Variants in CRYBG1 observed in about 807,000 individuals in gnomAD.
CRYBG1 encodes the protein beta/gamma crystallin domain-containing protein 1.
CRYBG1 carries 139 observed loss-of-function variants against 189.2 expected under a neutral mutation model. The ratio of observed to expected loss-of-function variants is 0.73; its 90% CI spans 0.64 to 0.85. The LOEUF (loss-of-function observed/expected upper bound fraction) is 0.85, where lower values mean the gene tolerates loss of function less well. CRYBG1 is among the 40% of genes least tolerant of loss of function. The pLI, the probability that CRYBG1 is intolerant of heterozygous loss-of-function variation, is 0.00. For synonymous variants in CRYBG1, 1,023 were observed against 1,017.1 expected (o/e 1.01, Z -0.11); for missense variants, 2,611 against 2,675.8 (o/e 0.98, Z 0.53).
chr6:106,549,023 T>C (rs1048363719), intron 13 of CRYBG1, among the ~76,000 whole-genome samples: 2 of 151,790 alleles, frequency 1.3e-5, no homozygotes, highest in Non-Finnish European at 2.9e-5. Flanking sequence ...GATCGTTTGC[T>C]GAGAATGATG....
chr6:106,555,698 A>G (rs1244420315), intron 16 of CRYBG1, 70 bp from the exon 17 acceptor site: 1 of 1,554,800 alleles, frequency 6.4e-7, no homozygotes, highest in African/African-American at 1.4e-5. Flanking sequence ...CACCTCTAAA[A>G]ATCAGACTTC....
At chr6:106,524,292 G>T (rs1263468363) in intron 4 of CRYBG1, among the ~76,000 whole-genome samples, 1 of 152,160 alleles carries the variant, frequency 6.6e-6, no homozygotes, top group African/African-American at 2.4e-5. Context: ...GCCGGGCACG[G>T]TGGCTCTCAC....
At chr6:106,449,223 C>A (rs987469735) in intron 1 of CRYBG1, among the ~76,000 whole-genome samples, 7 of 152,126 alleles carry the variant, frequency 4.6e-5, no homozygotes, top group Admixed American at 3.9e-4. Context: ...CCGTCTCCGA[C>A]AATACAAAGC....
intron 2 of CRYBG1, among the ~76,000 whole-genome samples, chr6:106,463,204 T>C (rs1241618568): frequency 6.7e-6 from 1 of 149,228 alleles, no homozygotes; most frequent in Non-Finnish European, 1.5e-5. Flanking sequence ...TCTTCTGTCC[T>C]GTGCTATTCG....
chr6:106,412,577 T>C (rs1481891877), intron 1 of CRYBG1, among the ~76,000 whole-genome samples: 1 of 152,208 alleles, frequency 6.6e-6, no homozygotes, highest in Non-Finnish European at 1.5e-5. Context: ...TGAAGGGTGG[T>C]GTGCTTGTCA....
At chr6:106,457,756 A>C (rs1426228444) in intron 2 of CRYBG1, among the ~76,000 whole-genome samples, 1 of 152,202 alleles carries the variant, frequency 6.6e-6, no homozygotes, top group Non-Finnish European at 1.5e-5. Context: ...ACATGGGTAG[A>C]TCTAGTACCT....
At chr6:106,515,964 G>A (rs936480505) in intron 3 of CRYBG1, among the ~76,000 whole-genome samples, 1 of 151,256 alleles carries the variant, frequency 6.6e-6, no homozygotes, top group African/African-American at 2.4e-5. Context: ...GCTAATTTTT[G>A]TATTTTTTTA....
In CRYBG1 at chr6:106,520,239, G is replaced by T. The variant is rs1163477884; in HGVS notation, c.3031G>T (p.Gly1011Cys). Reference sequence around the variant, plus strand: ...TGCTCCCCCACAAGAGGAAGTACTGGGCAATGAACACTCTCATTGCACAGC... The same window carrying T: ...TGCTCCCCCACAAGAGGAAGTACTGTGCAATGAACACTCTCATTGCACAGC... ...SCAPPQEEVL[G>C]NEHSHCTAEL... The change falls in exon 4 of 22, where the codon GGC (glycine) becomes TGC (cysteine). Residue 1011 changes from glycine to cysteine, a missense_variant. This residue lies in a region of CRYBG1 where 1,622 missense variants were observed against 1,735.0 expected (regional missense o/e 0.93). Coordinates refer to ENST00000633556, the MANE Select transcript of CRYBG1 (RefSeq NM_001371242.2). The T allele has an allele frequency of 6.2e-7, 1 of 1,614,068 alleles. No homozygotes were observed. The highest frequency in any genetic ancestry group is 2.2e-5 in the East Asian group (1 of 44,870).
Position 106,512,818 on chromosome 6 carries a change from C to A in CRYBG1, c.1701C>A (p.Ile567=). 6.3e-7 allele frequency: 1 copy of A among 1,575,210 alleles called. No homozygotes were observed. Among genetic ancestry groups the A allele is most frequent in the Non-Finnish European group, 8.6e-7 (1 of 1,160,222 alleles). The change falls in exon 3 of 22, where the codon ATC becomes ATA. Residue 567 remains isoleucine (I), a synonymous_variant. Coordinates refer to ENST00000633556, the MANE Select transcript of CRYBG1 (RefSeq NM_001371242.2). ...AESGEEAARA[I]PRELPVKSSS... ...GCGGGGAGGAGGCGGCGCGGGCCAT[C>A]CCCCGCGAGCTCCCGGTCAAGAGCA...
intron 1 of CRYBG1, among the ~76,000 whole-genome samples, chr6:106,411,137 T>A (rs765562608): frequency 5.9e-5 from 9 of 152,182 alleles, no homozygotes; most frequent in Non-Finnish European, 1.3e-4. Context: ...ATAAGTAATG[T>A]TTGTACATGA....
intron 19 of CRYBG1, 73 bp from the exon 20 acceptor site, chr6:106,561,269 C>T: frequency 1.3e-6 from 2 of 1,493,786 alleles, no homozygotes; most frequent in Non-Finnish European, 1.8e-6. Context: ...TGGATTCTTC[C>T]TGATATTCAT....
intron 1 of CRYBG1, among the ~76,000 whole-genome samples, chr6:106,368,538 T>C (rs892976492): frequency 6.6e-6 from 1 of 152,164 alleles, no homozygotes; most frequent in African/African-American, 2.4e-5. Context: ...AGCGAATTGC[T>C]TATGAGTCTC....
At position 106,553,585 on chromosome 6, in the gene CRYBG1, C is replaced by CT; in HGVS notation, c.5585+19dup. ...GGAGGCAGGTAAGTGAAACAAAGGC[C>CT]TGGCAGAGCTGAATCACTGGAGTAA... is the stretch of plus-strand genomic sequence containing the variant. On this transcript the variant is annotated intron_variant, in intron 16 of 21. Coordinates refer to ENST00000633556, the MANE Select transcript of CRYBG1 (RefSeq NM_001371242.2). 1 of 1,456,854 alleles carries CT rather than the reference C, an allele frequency of 6.9e-7. No individual in the cohort carries two copies. Among genetic ancestry groups the CT allele is most frequent in the Non-Finnish European group, 9.6e-7 (1 of 1,037,002 alleles). 90.2% of individuals were successfully genotyped at this position (1,456,854 alleles called of 1,614,324 possible). A position where few individuals can be genotyped will look rare whatever the true frequency, so the allele number is the denominator to read the frequency against.
rs1304500638 is a variant in CRYBG1 at position 106,525,349 on chromosome 6, C to T, written c.4375C>T (p.Leu1459Phe). ...SDIQDCSSWS[L>F]SPVILIKVVR... ...CATTCAGGATTGCAGTTCTTGGAGC[C>T]TCTCTCCAGTGATACTCATAAAAGT... Residue 1459 changes from leucine to phenylalanine, a missense_variant, in exon 6 of 22, where the codon CTC becomes TTC. Around this residue, in one of 3 missense-constraint regions of CRYBG1, gnomAD observed 1,622 missense variants for 1,735.0 expected, o/e 0.93. Transcript: ENST00000633556. 3.7e-6 allele frequency: 6 copies of T among 1,613,998 alleles called. No individual in the cohort carries two copies. Among genetic ancestry groups the T allele is most frequent in the African/African-American group, 1.3e-5 (1 of 74,910 alleles).
chr6:106,562,756 G>C (rs1489352969), intron 20 of CRYBG1, among the ~76,000 whole-genome samples: 2 of 152,180 alleles, frequency 1.3e-5, no homozygotes, highest in Admixed American at 1.3e-4. Flanking sequence ...CAAAGTGCTG[G>C]GATTACAGGC....
At chr6:106,392,436 G>A (rs1770524595) in intron 1 of CRYBG1, among the ~76,000 whole-genome samples, 1 of 152,148 alleles carries the variant, frequency 6.6e-6, no homozygotes, top group South Asian at 2.1e-4. Flanking sequence ...TAAAGAATCA[G>A]AGTAAAGAGG....
intron 1 of CRYBG1, among the ~76,000 whole-genome samples, chr6:106,402,617 C>G (rs1770742782): frequency 6.7e-6 from 1 of 148,900 alleles, no homozygotes; most frequent in Non-Finnish European, 1.5e-5. Context: ...GAAACTGGAT[C>G]CCTTCCTTAC....
Position 106,561,440 on chromosome 6 carries a change from G to A in CRYBG1, c.6078G>A (p.Met2026Ile). The A allele has an allele frequency of 6.2e-7, 1 of 1,614,184 alleles. No individual in the cohort carries two copies. The highest frequency in any genetic ancestry group is 2.2e-5 in the East Asian group (1 of 44,882). The change falls in exon 20 of 22, where the codon ATG (methionine) becomes ATA (isoleucine). Residue 2026 changes from methionine (M) to isoleucine (I), a missense_variant. Physicochemically the swap from Met to Ile is conservative, Grantham distance 10 (BLOSUM62 1). Around this residue, in one of 3 missense-constraint regions of CRYBG1, gnomAD observed 1,622 missense variants for 1,735.0 expected, o/e 0.93. Transcript: ENST00000633556. ...TGAAGCTTCTGAGGATACAGGTCAT[G>A]GAGGATGTCGGGGCCGATGATCAGA... ...EDLKLLRIQVMEDVGADDQIW... is the reference protein window; with the variant it reads ...EDLKLLRIQVIEDVGADDQIW...
At chr6:106,458,363 G>A (rs376237731) in intron 2 of CRYBG1, among the ~76,000 whole-genome samples, 5 of 151,988 alleles carry the variant, frequency 3.3e-5, no homozygotes, top group Admixed American at 6.6e-5. Flanking sequence ...TCTTCTACTC[G>A]TCCTTTAAGA....
Sources: gnomAD v4.1 joint callset for allele counts (sites outside exome capture counted in the v4.1 genomes callset) on GRCh38, gnomAD v4.1.1 for gene constraint, gnomAD v4.1.1 regional missense constraint, MANE v1.5 for transcripts, NCBI Gene and HGNC (gene_info 2026-07-23, HGNC 2026-07-21) for gene names.